Variants in ITGA3 observed in about 807,000 individuals in gnomAD.
The protein encoded by ITGA3 is integrin subunit alpha 3.
ITGA3 carries 70 observed loss-of-function variants against 131.1 expected under a neutral mutation model. That is an observed-to-expected ratio of 0.53 (90% CI 0.44 to 0.65). The LOEUF (loss-of-function observed/expected upper bound fraction) is 0.65, where lower values mean the gene tolerates loss of function less well. ITGA3 is among the 30% of genes least tolerant of loss of function. The pLI is 0.00. For missense variants in ITGA3, 1,098 were observed against 1,388.6 expected, an observed-to-expected ratio of 0.79 and a Z score of 3.33; for synonymous variants, 537 against 571.6, an observed-to-expected ratio of 0.94 and a Z score of 0.86.
At chr17:50,080,420 G>A (rs754820310) in intron 22 of ITGA3, 45 bp downstream of exon 22, 1 of 1,211,446 alleles carries the variant, frequency 8.3e-7, no homozygotes, top group East Asian at 2.4e-5. Flanking sequence ...CCACCCTGAG[G>A]GGGAGAACAA....
chr17:50,057,040 G>A (rs1329536960), intron 1 of ITGA3, among the ~76,000 whole-genome samples: 1 of 152,212 alleles, frequency 6.6e-6, no homozygotes, highest in Non-Finnish European at 1.5e-5. Context: ...ACGCTTGGGG[G>A]AAAAATGAGC....
Position 50,080,257 on chromosome 17 carries a change from C to G in ITGA3, c.2707-5C>G. 1 of 1,587,546 alleles carries G rather than the reference C, an allele frequency of 6.3e-7. No homozygotes were observed. Among genetic ancestry groups the G allele is most frequent in the African/African-American group, 1.3e-5 (1 of 74,502 alleles). On this transcript the variant is annotated splice_polypyrimidine_tract_variant and splice_region_variant and intron_variant, in intron 21 of 25. Transcript: ENST00000320031. ...GTCACGTCTTGCGTTCCCTGCCCGC[C>G]TCAGACCTGTGCCACAGGGCGTGCC...
In ITGA3 at chr17:50,071,315, C is replaced by G; in HGVS notation, c.756C>G (p.Tyr252Ter). 1 of 1,613,796 alleles carries G rather than the reference C, an allele frequency of 6.2e-7. No individual in the cohort carries two copies. Among genetic ancestry groups the G allele is most frequent in the Non-Finnish European group, 8.5e-7 (1 of 1,179,916 alleles). Residue 252 changes from tyrosine (Y) to a stop codon, truncating the protein, a stop_gained, in exon 6 of 26, where the codon TAC becomes TAG. Coordinates refer to ENST00000320031, the MANE Select transcript of ITGA3 (RefSeq NM_002204.4). LOFTEE classifies it high-confidence loss of function. Reference sequence around the variant, plus strand: ...AACATCTTCCCTCTATCCCAGGGTACACGATGCAGGTAGGCAGCTTCATCC... The same window carrying G: ...AACATCTTCCCTCTATCCCAGGGTAGACGATGCAGGTAGGCAGCTTCATCC... The part of the protein sequence containing the change: ...PEDQGNLYIG[Y>*]TMQVGSFILH...
intron 22 of ITGA3, among the ~76,000 whole-genome samples, chr17:50,080,821 T>C (rs1240169836): frequency 6.6e-6 from 1 of 152,146 alleles, no homozygotes; most frequent in Non-Finnish European, 1.5e-5. Context: ...CACGCTCGAC[T>C]CTGGGTTGCA....
At position 50,064,015 on chromosome 17, in the gene ITGA3, A is replaced by G. The variant is rs1908207597; in HGVS notation, c.207-62A>G. The G allele has an allele frequency of 6.3e-7, 1 of 1,583,770 alleles. No homozygotes were observed. The highest frequency in any genetic ancestry group is 8.6e-7 in the Non-Finnish European group (1 of 1,164,498). ...TGTAAATGTATGTTGAATAAATAAC[A>G]AGTTGTTCCAAGTGGGGCTTGGGGA... On this transcript the variant is annotated intron_variant, in intron 1 of 25. Transcript: ENST00000320031. The surrounding 1 kb of genome is among the most constrained non-coding windows in gnomAD (Gnocchi z 4.4).
At chr17:50,076,205 A>T in intron 12 of ITGA3, 121 bp from the exon 13 acceptor site, 1 of 1,094,700 alleles carries the variant, frequency 9.1e-7, no homozygotes, top group Non-Finnish European at 1.3e-6. Context: ...GTTCAGCCTA[A>T]CTGTCAGGTT....
At chr17:50,076,771 G>A in intron 14 of ITGA3, 90 bp downstream of exon 14, 1 of 1,289,218 alleles carries the variant, frequency 7.8e-7, no homozygotes, top group Non-Finnish European at 1.1e-6. Flanking sequence ...TCATGGCAAG[G>A]CGAGCCCAGG....
chr17:50,082,815 T>A (rs1243943638), intron 23 of ITGA3, among the ~76,000 whole-genome samples: 1 of 152,120 alleles, frequency 6.6e-6, no homozygotes, highest in East Asian at 1.9e-4. Context: ...ACTTGAGAAA[T>A]GATTAGAAAA....
chr17:50,071,493 G>A lies in ITGA3; in HGVS notation c.934G>A (p.Ala312Thr), dbSNP rs777946030. 6.2e-6 allele frequency: 10 copies of A among 1,610,346 alleles called. No individual in the cohort carries two copies. The South Asian group carries it at 8.8e-5, about 14-fold the overall frequency. The change falls in exon 6 of 26, where the codon GCC (alanine) becomes ACC (threonine). Residue 312 changes from alanine to threonine, a missense_variant. Transcript: ENST00000320031. ...QVGAYFGSAI[A>T]LADLNNDGWQ... ...GGGCGCCTATTTTGGCAGCGCCATT[G>A]CCCTGGCAGACCTGAACAATGATGG...
At chr17:50,062,734 G>A (rs1485873472) in intron 1 of ITGA3, among the ~76,000 whole-genome samples, 1 of 152,240 alleles carries the variant, frequency 6.6e-6, no homozygotes, top group Non-Finnish European at 1.5e-5. Flanking sequence ...CAGGTCCCAG[G>A]CAGAAGCTAC....
At position 50,074,000 on chromosome 17, in the gene ITGA3, A is replaced by C; in HGVS notation, c.1241A>C (p.Gln414Pro). 6.2e-7 allele frequency: 1 copy of C among 1,611,662 alleles called. No individual in the cohort carries two copies. ...TCTAAGGGGCTCCTTAGACAGCCCC[A>C]GCAGGTACAGAGAGACGGGGATGGG... ...SSSKGLLRQP[Q>P]QVIHGEKLGL... The change falls in exon 8 of 26, where the codon CAG becomes CCG. Residue 414 changes from glutamine (Q) to proline (P), a missense_variant. Transcript: ENST00000320031.
chr17:50,062,598 C>T (rs1264757355), intron 1 of ITGA3, among the ~76,000 whole-genome samples: 1 of 152,196 alleles, frequency 6.6e-6, no homozygotes. Flanking sequence ...AAGGTCCCAC[C>T]CCCTTCCCAG....
chr17:50,082,868 A>T (rs151165970), intron 23 of ITGA3, among the ~76,000 whole-genome samples: 329 of 152,312 alleles, frequency 2.2e-3, no homozygotes, highest in African/African-American at 7.6e-3. Context: ...TTCCACCCAA[A>T]TTATTCCAGT....
chr17:50,064,190 A>C lies in ITGA3; in HGVS notation c.320A>C (p.Asn107Thr), dbSNP rs1266008788. 1 of 1,608,602 alleles carries C rather than the reference A, an allele frequency of 6.2e-7. No homozygotes were observed. The highest frequency in any genetic ancestry group is 1.1e-5 in the South Asian group (1 of 89,742). The change falls in exon 2 of 26, where the codon AAC becomes ACC. Residue 107 changes from asparagine to threonine, a missense_variant. Physicochemically the swap from Asn to Thr is moderately conservative, Grantham distance 65 (BLOSUM62 0). Transcript: ENST00000320031. This position sits in a 1 kb window ranked among gnomAD's most constrained non-coding sequence, Gnocchi z 4.4. ...TAHKDDCERM[N>T]ITVKNDPGHH... Reference sequence around the variant, plus strand: ...CACAAGGATGACTGTGAGCGGATGAACATCACAGTGAAAAGTGAGGGGAAG... The same window carrying C: ...CACAAGGATGACTGTGAGCGGATGACCATCACAGTGAAAAGTGAGGGGAAG...
rs2144330437 is a variant in ITGA3, at chr17:50,090,411, C to T, written c.*1333C>T. 3.3e-6 allele frequency: 1 copy of T among 302,344 alleles called. No homozygotes were observed. The highest frequency in any genetic ancestry group is 6.9e-6 in the Non-Finnish European group (1 of 145,076). 18.7% of individuals were successfully genotyped at this position (302,344 alleles called of 1,614,324 possible). A position where few individuals can be genotyped will look rare whatever the true frequency, so the allele number is the denominator to read the frequency against. On this transcript the variant is annotated 3_prime_UTR_variant, in exon 26 of 26. Coordinates refer to ENST00000320031, the MANE Select transcript of ITGA3 (RefSeq NM_002204.4). ...TCCATGGTACTGTAGCAGGGGAATT[C>T]CCTCCCCCTCCTTGTGCCTTCTTTG...
rs753479348 is a variant in ITGA3 at position 50,089,248 on chromosome 17, C to T, written c.*170C>T. ...GCACTGGGTGACCAGCTGGCAGACT[C>T]GGGACCAATACTACTGACGTCCTCC... On this transcript the variant is annotated 3_prime_UTR_variant, in exon 26 of 26. Coordinates refer to ENST00000320031, the MANE Select transcript of ITGA3 (RefSeq NM_002204.4). 7.4e-6 allele frequency: 12 copies of T among 1,613,438 alleles called. No individual in the cohort carries two copies. Among genetic ancestry groups the T allele is most frequent in the Middle Eastern group, 1.6e-4 (1 of 6,080 alleles).
chr17:50,073,483 TGGGA>T (rs1908720860), intron 7 of ITGA3, among the ~76,000 whole-genome samples: 1 of 152,034 alleles, frequency 6.6e-6, no homozygotes, highest in Non-Finnish European at 1.5e-5. Flanking sequence ...CCCAGCTACT[TGGGA>T]GGCTGAGGTG....
At chr17:50,057,627 G>T (rs1347354447) in intron 1 of ITGA3, among the ~76,000 whole-genome samples, 2 of 152,202 alleles carry the variant, frequency 1.3e-5, no homozygotes, top group Non-Finnish European at 1.5e-5. Context: ...CGGTGTTTAG[G>T]ACAGGTTAAG....
intron 1 of ITGA3, among the ~76,000 whole-genome samples, chr17:50,057,035 TG>T (rs1907860823): frequency 6.6e-6 from 1 of 151,976 alleles, no homozygotes; most frequent in Non-Finnish European, 1.5e-5. Context: ...CCCGTACGCT[TG>T]GGGGAAAAAT....
Sources: allele counts gnomAD v4.1 joint callset (sites outside exome capture counted in the v4.1 genomes callset), GRCh38; gene constraint gnomAD v4.1.1; non-coding constraint Gnocchi (gnomAD v3.1); transcripts MANE v1.5; gene names NCBI Gene and HGNC (gene_info 2026-07-23, HGNC 2026-07-21).